ANKS1B: variants seen among roughly 807,000 people sequenced by gnomAD.
The protein encoded by ANKS1B is ankyrin repeat and sterile alpha motif domain containing 1B.
A neutral mutation model predicts 148.3 loss-of-function variants in ANKS1B; 36 were observed. The observed-to-expected ratio is 0.24, with a 90% CI of 0.19 to 0.32. ANKS1B has a LOEUF of 0.32. Among genes scored for constraint, ANKS1B ranks in the 10% least tolerant of loss-of-function variants. ANKS1B has a pLI of 1.00. For missense variants in ANKS1B, 1,157 were observed against 1,542.6 expected, an observed-to-expected ratio of 0.75 and a Z score of 4.19; for synonymous variants, 542 against 560.8, an observed-to-expected ratio of 0.97 and a Z score of 0.47.
chr12:99,267,557 C>T (rs1271756122), intron 12 of ANKS1B, among the ~76,000 whole-genome samples: 1 of 97,886 alleles, frequency 1.0e-5, no homozygotes, highest in Non-Finnish European at 2.1e-5. Flanking sequence ...GATTATTTGG[C>T]TGTACATTCA....
In ANKS1B at chr12:99,910,056, A is replaced by G. The variant is rs1044562822; in HGVS notation, c.134+74048T>C. On this transcript the variant is annotated intron_variant, in intron 1 of 26. Coordinates refer to ENST00000683438, the MANE Select transcript of ANKS1B (RefSeq NM_001352186.2). The stretch of plus-strand genomic sequence containing the variant: ...CTGCAAGCTGTAAAAAGATCCATAT[A>G]ATAGAATATTATTTGCCATTAAAAA... Among the ~76,000 whole-genome samples, 7 of 152,270 alleles carry G rather than the reference A, an allele frequency of 4.6e-5. 1 individual carries two copies. Among genetic ancestry groups the G allele is most frequent in the African/African-American group, 1.7e-4 (7 of 41,554 alleles).
At chr12:98,941,999 T>C (rs1175892398) in intron 17 of ANKS1B, among the ~76,000 whole-genome samples, 1 of 152,124 alleles carries the variant, frequency 6.6e-6, no homozygotes, top group Admixed American at 6.6e-5. Flanking sequence ...TCCCAGAACT[T>C]TGGGAGGCTG....
At chr12:99,886,297 C>G (rs2092818046) in intron 1 of ANKS1B, among the ~76,000 whole-genome samples, 1 of 152,158 alleles carries the variant, frequency 6.6e-6, no homozygotes, top group Non-Finnish European at 1.5e-5. Flanking sequence ...TAATGTCTGT[C>G]TCTTTCATGA....
chr12:98,990,496 G>A (rs1262699202), intron 17 of ANKS1B, among the ~76,000 whole-genome samples: 4 of 150,902 alleles, frequency 2.7e-5, no homozygotes, highest in Admixed American at 6.6e-5. Context: ...GTGTAGTATG[G>A]CCTGGAGAAA....
At position 99,669,748 on chromosome 12, in the gene ANKS1B, T is replaced by C. The variant is rs148233414; in HGVS notation, c.1129-14538A>G. On this transcript the variant is annotated intron_variant, in intron 8 of 26. Transcript: ENST00000683438. ...AACTTTAGGTTGTTTTCTGGACCTC[T>C]TTTTTGGTATAGTACCCTCTTTTCT... Among the ~76,000 whole-genome samples the C allele has an allele frequency of 2.9e-3, 448 of 152,262 alleles. 1 individual carries two copies. Among genetic ancestry groups the C allele is most frequent in the Non-Finnish European group, 5.1e-3 (349 of 68,022 alleles).
At chr12:99,438,037 T>G (rs142875484) in intron 11 of ANKS1B, among the ~76,000 whole-genome samples, 1 of 152,088 alleles carries the variant, frequency 6.6e-6, no homozygotes, top group African/African-American at 2.4e-5. Flanking sequence ...CTGGAAGTTT[T>G]GACAATGTTG....
At chr12:99,637,553 T>C (rs2098250936) in intron 9 of ANKS1B, among the ~76,000 whole-genome samples, 1 of 152,148 alleles carries the variant, frequency 6.6e-6, no homozygotes, top group South Asian at 2.1e-4. Flanking sequence ...GCAGGCGCAA[T>C]CTAATCAGCT....
At chr12:99,600,591 G>C (rs142853908) in intron 9 of ANKS1B, among the ~76,000 whole-genome samples, 1 of 151,978 alleles carries the variant, frequency 6.6e-6, no homozygotes, top group South Asian at 2.1e-4. Flanking sequence ...TAGACATGTC[G>C]TTCCAGGCCA....
chr12:99,609,392 GAC>G (rs2097880379), intron 9 of ANKS1B, among the ~76,000 whole-genome samples: 1 of 151,868 alleles, frequency 6.6e-6, no homozygotes, highest in Non-Finnish European at 1.5e-5. Flanking sequence ...TGATGAGAGA[GAC>G]GTCCTCAAGA....
chr12:99,358,705 A>C (rs1290807894), intron 12 of ANKS1B, among the ~76,000 whole-genome samples: 2 of 151,934 alleles, frequency 1.3e-5, no homozygotes, highest in Non-Finnish European at 2.9e-5. Context: ...ACACACACAC[A>C]CAGGCACAGA....
intron 22 of ANKS1B, among the ~76,000 whole-genome samples, chr12:98,787,646 G>A (rs10860368): frequency 0.25 from 38,276 of 152,044 alleles, 5,333 homozygotes; most frequent in Middle Eastern, 0.33. Context: ...CAGGCTGGGC[G>A]TGGTGGTTCT....
intron 11 of ANKS1B, among the ~76,000 whole-genome samples, chr12:99,434,986 A>T (rs947422298): frequency 2.6e-5 from 4 of 152,126 alleles, no homozygotes; most frequent in Non-Finnish European, 4.4e-5. Context: ...AGATGAAAAA[A>T]TTTTTTTACT....
At chr12:99,392,770 C>A (rs898909794) in intron 12 of ANKS1B, among the ~76,000 whole-genome samples, 1 of 152,062 alleles carries the variant, frequency 6.6e-6, no homozygotes, top group African/African-American at 2.4e-5. Context: ...TGCTATTTTT[C>A]GGTCTTTTAA....
At chr12:98,895,506 A>G (rs1197625879) in intron 17 of ANKS1B, among the ~76,000 whole-genome samples, 1 of 152,218 alleles carries the variant, frequency 6.6e-6, no homozygotes, top group Non-Finnish European at 1.5e-5. Flanking sequence ...TGTCTGCCCC[A>G]GAGGCCACCT....
chr12:99,112,886 G>T (rs1307783198), intron 15 of ANKS1B, among the ~76,000 whole-genome samples: 1 of 152,024 alleles, frequency 6.6e-6, no homozygotes, highest in Non-Finnish European at 1.5e-5. Flanking sequence ...TTTATTAGTT[G>T]CTCTTTCTAT....
chr12:99,387,894 A>G (rs1183038655), intron 12 of ANKS1B, among the ~76,000 whole-genome samples: 1 of 126,282 alleles, frequency 7.9e-6, no homozygotes, highest in African/African-American at 3.2e-5. Flanking sequence ...ATTAGATGCC[A>G]AGGCATTCCA....
intron 25 of ANKS1B, among the ~76,000 whole-genome samples, chr12:98,763,685 T>C (rs1458420142): frequency 2.0e-5 from 3 of 152,230 alleles, no homozygotes; most frequent in African/African-American, 2.4e-5. Flanking sequence ...ATTTCCTATA[T>C]GAATATTTAA....
chr12:99,518,057 T>C (rs2373015), intron 9 of ANKS1B, among the ~76,000 whole-genome samples: 22,220 of 152,146 alleles, frequency 0.15, 3,997 homozygotes, highest in African/African-American at 0.43. Context: ...CCTTGCCTCC[T>C]AGGGATAAAT....
intron 17 of ANKS1B, among the ~76,000 whole-genome samples, chr12:98,902,673 C>T (rs1000987615): frequency 6.6e-6 from 1 of 152,170 alleles, no homozygotes; most frequent in East Asian, 1.9e-4. Context: ...AACCTGACTG[C>T]ACCTCAGTTT....
Sources: allele counts gnomAD v4.1 joint callset (sites outside exome capture counted in the v4.1 genomes callset), GRCh38; gene constraint gnomAD v4.1.1; transcripts MANE v1.5; gene names NCBI Gene and HGNC (gene_info 2026-07-23, HGNC 2026-07-21).